Variants in ST7 observed in about 807,000 individuals in gnomAD.
ST7 encodes the protein suppressor of tumorigenicity 7 protein.
In ST7, 28 loss-of-function variants were observed where a neutral mutation model predicts 78.7. The observed-to-expected ratio is 0.36, with a 90% CI of 0.26 to 0.49. The LOEUF is 0.49. ST7 is among the 20% of genes least tolerant of loss of function. The pLI, the probability that ST7 is intolerant of heterozygous loss-of-function variation, is 0.99. For missense variants in ST7, 418 were observed against 696.0 expected (o/e 0.60, Z 4.49); for synonymous variants, 247 against 249.6 (o/e 0.99, Z 0.10).
At chr7:116,997,169 T>C (rs1794699881) in intron 1 of ST7, among the ~76,000 whole-genome samples, 1 of 151,980 alleles carries the variant, frequency 6.6e-6, no homozygotes, top group Non-Finnish European at 1.5e-5. Flanking sequence ...TCGCAGTGAG[T>C]GTTACAGCTC....
intron 1 of ST7, chr7:116,972,929 T>G: frequency 7.8e-7 from 1 of 1,288,630 alleles, no homozygotes; most frequent in Admixed American, 1.7e-5. Context: ...ACTCAGCTAC[T>G]GCTCGCACTC....
At chr7:117,209,983 G>T (rs192633715) in intron 13 of ST7, 46 bp downstream of exon 13, 3 of 1,592,668 alleles carry the variant, frequency 1.9e-6, no homozygotes, top group African/African-American at 2.7e-5. Context: ...GCATGAAAAG[G>T]TGCTAAAATG....
intron 1 of ST7, among the ~76,000 whole-genome samples, chr7:117,084,979 G>C (rs2116640163): frequency 6.6e-6 from 1 of 152,238 alleles, no homozygotes; most frequent in East Asian, 1.9e-4. Context: ...GTAGATACCT[G>C]TTCTCTGTAA....
At chr7:117,119,354 T>C (rs1803174069) in intron 2 of ST7, among the ~76,000 whole-genome samples, 1 of 152,200 alleles carries the variant, frequency 6.6e-6, no homozygotes, top group Non-Finnish European at 1.5e-5. Flanking sequence ...TTATAGTTTT[T>C]TGAAACCAGT....
At chr7:117,096,579 G>A (rs1227631723) in intron 1 of ST7, among the ~76,000 whole-genome samples, 1 of 152,210 alleles carries the variant, frequency 6.6e-6, no homozygotes, top group Non-Finnish European at 1.5e-5. Context: ...TTGGGGGCAG[G>A]TTGACTGGCA....
At chr7:116,955,881 C>T (rs754051821) in intron 1 of ST7, among the ~76,000 whole-genome samples, 17 of 152,254 alleles carry the variant, frequency 1.1e-4, no homozygotes, top group Non-Finnish European at 1.9e-4. Flanking sequence ...TGAAGATGAA[C>T]GTGCCATCCG....
At chr7:117,114,747 T>C (rs1192392984) in intron 2 of ST7, among the ~76,000 whole-genome samples, 1 of 152,194 alleles carries the variant, frequency 6.6e-6, no homozygotes, top group Non-Finnish European at 1.5e-5. Context: ...ATGTATAGAA[T>C]ATGCAATTCA....
chr7:117,048,704 T>C (rs1049006282), intron 1 of ST7, among the ~76,000 whole-genome samples: 4 of 152,234 alleles, frequency 2.6e-5, no homozygotes, highest in Admixed American at 6.5e-5. Context: ...AACACAGTTT[T>C]CTCTAGCAGG....
intron 1 of ST7, among the ~76,000 whole-genome samples, chr7:117,097,599 C>T (rs112500191): frequency 0.024 from 3,680 of 151,666 alleles, 156 homozygotes; most frequent in African/African-American, 0.085. Context: ...GTTGGGATTA[C>T]AGGCTTGAGC....
chr7:116,967,262 C>T (rs1420042989), intron 1 of ST7: 1 of 470,910 alleles, frequency 2.1e-6, no homozygotes. Context: ...GACCCCATTC[C>T]CCTGCAGAGT....
chr7:117,107,461 G>T (rs1261895674), intron 2 of ST7, among the ~76,000 whole-genome samples: 1 of 151,904 alleles, frequency 6.6e-6, no homozygotes, highest in African/African-American at 2.4e-5. Context: ...GGTCATTCTT[G>T]CAGGGGTGAA....
intron 1 of ST7, among the ~76,000 whole-genome samples, chr7:117,050,885 G>A (rs1797753526): frequency 6.7e-6 from 1 of 149,468 alleles, no homozygotes; most frequent in East Asian, 2.0e-4. Context: ...AGCCGAGATC[G>A]AGCATCTGCA....
chr7:117,214,605 G>A (rs1040646655), intron 13 of ST7, among the ~76,000 whole-genome samples: 1 of 152,028 alleles, frequency 6.6e-6, no homozygotes, highest in Non-Finnish European at 1.5e-5. Flanking sequence ...AGAAAGCAAT[G>A]ATAGGCTAAA....
chr7:117,072,259 C>T (rs1799012459), intron 1 of ST7: 1 of 152,232 alleles, frequency 6.6e-6, no homozygotes, highest in South Asian at 2.1e-4. Context: ...CGCCTCAGGC[C>T]TTTTTCTGAA....
At chr7:117,090,197 A>G (rs759827263) in intron 1 of ST7, among the ~76,000 whole-genome samples, 1 of 152,024 alleles carries the variant, frequency 6.6e-6, no homozygotes, top group Non-Finnish European at 1.5e-5. Flanking sequence ...GAGTCTTCCT[A>G]ATATGGACTT....
intron 1 of ST7, among the ~76,000 whole-genome samples, chr7:117,038,580 T>C (rs970473088): frequency 3.3e-5 from 5 of 152,202 alleles, no homozygotes; most frequent in African/African-American, 1.2e-4. Flanking sequence ...GCTCATAAAC[T>C]TGCTGTAAAG....
intron 1 of ST7, among the ~76,000 whole-genome samples, chr7:117,038,379 A>G (rs1383771724): frequency 6.6e-6 from 1 of 152,208 alleles, no homozygotes; most frequent in Admixed American, 6.5e-5. Context: ...CAGTGTCTAA[A>G]GCAATTTTTT....
intron 1 of ST7, among the ~76,000 whole-genome samples, chr7:117,024,953 G>A (rs1301166358): frequency 6.6e-6 from 1 of 152,168 alleles, no homozygotes; most frequent in Non-Finnish European, 1.5e-5. Context: ...AGTTGAAACT[G>A]ACAGCTTCTC....
chr7:117,065,049 A>G (rs1244436253), intron 1 of ST7, among the ~76,000 whole-genome samples: 2 of 152,184 alleles, frequency 1.3e-5, no homozygotes, highest in African/African-American at 4.8e-5. Flanking sequence ...ACTTTCACAT[A>G]TATTAAGACA....
Sources: allele counts gnomAD v4.1 joint callset (sites outside exome capture counted in the v4.1 genomes callset), GRCh38; gene constraint gnomAD v4.1.1; transcripts MANE v1.5; gene names NCBI Gene and HGNC (gene_info 2026-07-23, HGNC 2026-07-21).